The following LAIR2 variants were observed in gnomAD, a reference collection of about 807,000 sequenced individuals.
The protein encoded by LAIR2 is leukocyte associated immunoglobulin like receptor 2, also known as leukocyte-associated immunoglobulin-like receptor 2.
Under a neutral mutation model 14.8 loss-of-function variants are expected in LAIR2, and 14 were observed. The observed-to-expected ratio is 0.95, with a 90% CI of 0.62 to 1.48. The LOEUF (loss-of-function observed/expected upper bound fraction) is 1.48, where lower values mean the gene tolerates loss of function less well. Ranked by LOEUF, LAIR2 falls within the 40% of genes most tolerant of loss-of-function variation. LAIR2 has a pLI of 0.00. For missense variants in LAIR2, 172 were observed against 180.9 expected, an observed-to-expected ratio of 0.95 and a Z score of 0.28; for synonymous variants, 75 against 74.5, an observed-to-expected ratio of 1.01 and a Z score of -0.03.
chr19:54,503,151 G>A (rs1307445852), intron 1 of LAIR2, among the ~76,000 whole-genome samples, 199 bp downstream of exon 1: 1 of 152,118 alleles, frequency 6.6e-6, no homozygotes, highest in Non-Finnish European at 1.5e-5. Context: ...CGGGTGTGGG[G>A]ATGAGGTCAG....
At chr19:54,504,734 C>T (rs1184643397) in intron 2 of LAIR2, among the ~76,000 whole-genome samples, 2 of 152,092 alleles carry the variant, frequency 1.3e-5, no homozygotes, top group Non-Finnish European at 1.5e-5. Context: ...CTCAGCCTCT[C>T]GAGTAGCTGG....
intron 2 of LAIR2, among the ~76,000 whole-genome samples, chr19:54,506,434 T>G (rs2085365440): frequency 7.0e-6 from 1 of 142,480 alleles, no homozygotes; most frequent in Non-Finnish European, 1.5e-5. Flanking sequence ...TTTTCCCACT[T>G]TGAGTGCCCT....
intron 2 of LAIR2, among the ~76,000 whole-genome samples, chr19:54,504,107 C>A (rs2085322607): frequency 6.8e-6 from 1 of 146,044 alleles, no homozygotes; most frequent in Non-Finnish European, 1.5e-5. Flanking sequence ...CAGGCACCCA[C>A]CACCACCCCT....
At chr19:54,505,617 A>C (rs1219245148) in intron 2 of LAIR2, among the ~76,000 whole-genome samples, 2 of 152,104 alleles carry the variant, frequency 1.3e-5, no homozygotes, top group East Asian at 1.9e-4. Flanking sequence ...TCGTAAGATG[A>C]AGTTTTTTTC....
chr19:54,503,625 C>T, intron 1 of LAIR2, 75 bp from the exon 2 acceptor site: 2 of 1,601,348 alleles, frequency 1.2e-6, no homozygotes, highest in Non-Finnish European at 1.7e-6. Context: ...CCAGCTCCGT[C>T]AAGCCCCCTT....
At chr19:54,503,093 T>C (rs751571070) in intron 1 of LAIR2, 141 bp downstream of exon 1, 202 of 803,530 alleles carry the variant, frequency 2.5e-4, no homozygotes, top group Non-Finnish European at 3.9e-4. Flanking sequence ...CTGCTCTCCC[T>C]GGGGCCTAAG....
chr19:54,503,325 G>A (rs536922887), intron 1 of LAIR2, among the ~76,000 whole-genome samples: 1 of 152,222 alleles, frequency 6.6e-6, no homozygotes, highest in East Asian at 1.9e-4. Context: ...GGGCATGGTG[G>A]CGGGCACCTG....
Position 54,502,897 on chromosome 19 carries a change from G to A in LAIR2, c.-22G>A, listed in dbSNP as rs1459869049. ...CACATCCTGTCTGCTTGTGTCTGCT[G>A]CAGAGTTCTGGGACCGGGGCCATGT... is the stretch of plus-strand genomic sequence containing the variant. On this transcript the variant is annotated 5_prime_UTR_variant, in exon 1 of 5. Coordinates refer to ENST00000301202, the MANE Select transcript of LAIR2 (RefSeq NM_002288.6). 6.2e-7 allele frequency: 1 copy of A among 1,614,124 alleles called. No homozygotes were observed. Among genetic ancestry groups the A allele is most frequent in the Non-Finnish European group, 8.5e-7 (1 of 1,179,974 alleles).
rs35996819 is a variant in LAIR2, at chr19:54,508,199, TG to T, written c.364+18del. 205 of 1,601,476 alleles carry T rather than the reference TG, an allele frequency of 1.3e-4. No individual in the cohort carries two copies. In the African/African-American group the frequency reaches 2.4e-3, roughly 19 times the overall value. ...GCTGGTGAAAGGTGAGGACGTCACC[TG>T]GGCCCTGCCCCAGTCTCAGCTCGAC... On this transcript the variant is annotated intron_variant, in intron 3 of 4. Coordinates refer to ENST00000301202, the MANE Select transcript of LAIR2 (RefSeq NM_002288.6).
rs750782216 is a variant in LAIR2, at chr19:54,510,511, A to G, written c.416-15A>G. The G allele has an allele frequency of 3.7e-6, 6 of 1,608,740 alleles. No individual in the cohort carries two copies. Among genetic ancestry groups the G allele is most frequent in the Non-Finnish European group, 5.1e-6 (6 of 1,175,780 alleles). On this transcript the variant is annotated splice_polypyrimidine_tract_variant and intron_variant, in intron 4 of 4. Transcript: ENST00000301202. ...ATGCTCCTATTAATACTGAGGAAGT[A>G]TTTTGTCCTCACAGGGACTGTGCCA...
Position 54,507,142 on chromosome 19 carries a change from C to T in LAIR2, c.71-749C>T, listed in dbSNP as rs574236233. 3.8e-3 allele frequency among the ~76,000 whole-genome samples: 568 copies of T among 151,372 alleles called. 6 individuals carry two copies. Among genetic ancestry groups the T allele is most frequent in the African/African-American group, 0.012 (508 of 41,290 alleles). ...CGCTCAGGGATTTTGCTAATTTTGA[C>T]ACAACCTTCCTGTTTCAGGGCGTCA... On this transcript the variant is annotated intron_variant, in intron 2 of 4. Transcript: ENST00000301202.
At chr19:54,504,186 G>A (rs1174017844) in intron 2 of LAIR2, among the ~76,000 whole-genome samples, 2 of 150,692 alleles carry the variant, frequency 1.3e-5, no homozygotes, top group East Asian at 2.0e-4. Context: ...GGCTGGTCTC[G>A]AACTCCTTAC....
chr19:54,507,140 G>C (rs962798346), intron 2 of LAIR2, among the ~76,000 whole-genome samples: 2 of 151,040 alleles, frequency 1.3e-5, no homozygotes, highest in African/African-American at 4.9e-5. Flanking sequence ...TGCTAATTTT[G>C]ACACAACCTT....
intron 2 of LAIR2, among the ~76,000 whole-genome samples, chr19:54,507,540 C>T (rs534594515): frequency 3.3e-5 from 5 of 152,032 alleles, no homozygotes; most frequent in African/African-American, 7.2e-5. Context: ...TCATCCCCAT[C>T]GTGTGCCTCC....
chr19:54,507,630 C>T (rs763672698), intron 2 of LAIR2, among the ~76,000 whole-genome samples: 6 of 152,224 alleles, frequency 3.9e-5, no homozygotes, highest in Admixed American at 2.6e-4. Flanking sequence ...CCGACACTTC[C>T]CACGTGACCC....
Position 54,502,938 on chromosome 19 carries a change from C to T in LAIR2, c.20C>T (p.Ala7Val), listed in dbSNP as rs1365187298. Residue 7 changes from alanine (A) to valine (V), a missense_variant, in exon 1 of 5, where the codon GCT (alanine) becomes GTT (valine). By Grantham distance (64) the Ala-to-Val change is moderately conservative (BLOSUM62 0). Transcript: ENST00000301202. MSPHLT[A>V]LLGLVLCLAQ... is the part of the protein sequence containing the mutation. Reference sequence around the variant, plus strand: ...GGGGCCATGTCTCCACACCTCACTGCTCTCCTGGGCCTAGGTGAGTCCTGG... The same window carrying T: ...GGGGCCATGTCTCCACACCTCACTGTTCTCCTGGGCCTAGGTGAGTCCTGG... 1.9e-6 allele frequency: 3 copies of T among 1,613,794 alleles called. No homozygotes were observed. The highest frequency in any genetic ancestry group is 1.7e-5 in the Admixed American group (1 of 59,982).
chr19:54,505,136 G>A (rs1426249879), intron 2 of LAIR2, among the ~76,000 whole-genome samples: 3 of 152,094 alleles, frequency 2.0e-5, no homozygotes, highest in Non-Finnish European at 2.9e-5. Flanking sequence ...TGGCAGCTGT[G>A]AGTAGCGCTG....
At chr19:54,506,872 G>C (rs955430130) in intron 2 of LAIR2, among the ~76,000 whole-genome samples, 6 of 152,178 alleles carry the variant, frequency 3.9e-5, no homozygotes, top group Non-Finnish European at 5.9e-5. Flanking sequence ...ATAATGACTA[G>C]AGTTAATCAC....
Position 54,503,713 on chromosome 19 carries a change from C to G in LAIR2, c.48C>G (p.Ala16=), listed in dbSNP as rs765588674. 6.2e-7 allele frequency: 1 copy of G among 1,613,972 alleles called. No homozygotes were observed. Among genetic ancestry groups the G allele is most frequent in the African/African-American group, 1.3e-5 (1 of 74,982 alleles). The change falls in exon 2 of 5, where the codon GCC becomes GCG. Residue 16 remains alanine, a synonymous_variant. Transcript: ENST00000301202. ...TALLGLVLCL[A]QTIHTQEGAL... ...CTTCTCTTCCAGTGCTCTGCCTGGC[C>G]CAGACCATCCACACGCAGGAGGGTA...
Sources: allele counts gnomAD v4.1 joint callset (sites outside exome capture counted in the v4.1 genomes callset), GRCh38; gene constraint gnomAD v4.1.1; transcripts MANE v1.5; gene names NCBI Gene and HGNC (gene_info 2026-07-23, HGNC 2026-07-21).